Variants in ZNF341 observed in about 807,000 individuals in gnomAD.
The protein encoded by ZNF341 is zinc finger protein 341.
ZNF341 carries 52 observed loss-of-function variants against 87.7 expected under a neutral mutation model. The ratio of observed to expected loss-of-function variants is 0.59; its 90% CI spans 0.47 to 0.75. The LOEUF (loss-of-function observed/expected upper bound fraction) is 0.75. Ranked by LOEUF, ZNF341 falls within the 30% of genes least tolerant of loss-of-function variation. The pLI is 0.00. For missense variants in ZNF341, 977 were observed against 1,145.9 expected (o/e 0.85, Z 2.13); for synonymous variants, 459 against 472.7 (o/e 0.97, Z 0.38).
At chr20:33,775,353 G>A (rs1381462601) in intron 10 of ZNF341, among the ~76,000 whole-genome samples, 1 of 151,624 alleles carries the variant, frequency 6.6e-6, no homozygotes, top group Non-Finnish European at 1.5e-5. Flanking sequence ...GCGACTACAA[G>A]GCACCTGCCA....
intron 5 of ZNF341, 118 bp from the exon 6 acceptor site, chr20:33,757,030 G>A (rs938449654): frequency 3.7e-6 from 3 of 809,490 alleles, no homozygotes; most frequent in Non-Finnish European, 5.4e-6. Context: ...GAGGGGCTGT[G>A]ATGGTGATGT....
At chr20:33,741,588 A>G (rs1568933179) in intron 2 of ZNF341, among the ~76,000 whole-genome samples, 1 of 152,066 alleles carries the variant, frequency 6.6e-6, no homozygotes, top group Admixed American at 6.6e-5. Flanking sequence ...TATTTTTAAT[A>G]GAGATGGGGT....
chr20:33,772,824 T>G (rs2019558207), intron 10 of ZNF341, among the ~76,000 whole-genome samples: 1 of 152,048 alleles, frequency 6.6e-6, no homozygotes, highest in Admixed American at 6.6e-5. Flanking sequence ...TCACAAGAGC[T>G]CTGAGAAGTT....
intron 4 of ZNF341, 54 bp downstream of exon 4, chr20:33,749,126 T>A: frequency 6.4e-7 from 1 of 1,560,328 alleles, no homozygotes; most frequent in South Asian, 1.2e-5. Context: ...GTACATTAAC[T>A]CCTGCAGATT....
chr20:33,786,782 A>G (rs779172513), intron 12 of ZNF341, among the ~76,000 whole-genome samples: 3 of 132,832 alleles, frequency 2.3e-5, no homozygotes, highest in Non-Finnish European at 5.0e-5. Context: ...AGCCTGGCCA[A>G]CGTGATGAAA....
intron 2 of ZNF341, among the ~76,000 whole-genome samples, chr20:33,744,330 A>T (rs1160431091): frequency 6.6e-6 from 1 of 151,986 alleles, no homozygotes; most frequent in Non-Finnish European, 1.5e-5. Flanking sequence ...AAAAGAAAAA[A>T]AGACTTCTTG....
Position 33,746,228 on chromosome 20 carries a change from C to CTTTT in ZNF341, c.339+948_339+951dup, listed in dbSNP as rs34461652. 4.4e-4 allele frequency among the ~76,000 whole-genome samples: 46 copies of CTTTT among 104,110 alleles called. 3 individuals are homozygous for CTTTT. Among genetic ancestry groups the CTTTT allele is most frequent in the African/African-American group, 1.8e-3 (37 of 20,742 alleles). 68.3% of individuals were successfully genotyped at this position (104,110 alleles called of 152,430 possible). On this transcript the variant is annotated intron_variant, in intron 3 of 14. Coordinates refer to ENST00000375200, the MANE Select transcript of ZNF341 (RefSeq NM_001282933.2). ...ACAGGCGTGAGCCACCGCGCCCGGC[C>CTTTT]TTTTTTTTTTTTTTTTTTTTTTGAG...
chr20:33,789,057 A>C (rs1209096689), intron 13 of ZNF341, 83 bp downstream of exon 13: 2 of 1,049,148 alleles, frequency 1.9e-6, no homozygotes, highest in Non-Finnish European at 2.8e-6. Flanking sequence ...GACAGATGTC[A>C]GGCCTGAGGG....
At chr20:33,774,113 C>G (rs1393689981) in intron 10 of ZNF341, among the ~76,000 whole-genome samples, 1 of 114,580 alleles carries the variant, frequency 8.7e-6, no homozygotes, top group Non-Finnish European at 1.7e-5. Flanking sequence ...AACCCTGTCT[C>G]TACTAAAAAA....
Position 33,791,736 on chromosome 20 carries a change from A to G in ZNF341, c.*219A>G. 1.9e-6 allele frequency: 1 copy of G among 519,158 alleles called. No homozygotes were observed. Among genetic ancestry groups the G allele is most frequent in the Non-Finnish European group, 3.3e-6 (1 of 299,702 alleles). The allele number at this position is 519,158 out of a possible 1,614,324, so 32.2% of individuals were successfully genotyped here. A position where few individuals can be genotyped will look rare whatever the true frequency, so the allele number is the denominator to read the frequency against. On this transcript the variant is annotated 3_prime_UTR_variant, in exon 15 of 15. Transcript: ENST00000375200. ...ACATTCTAGGGTTGGGGGCAGGGCC[A>G]TCCACGGTTTCTGGGCAGAGCCATG... is the stretch of plus-strand genomic sequence containing the variant.
rs371648715 is a variant in ZNF341 at position 33,791,320 on chromosome 20, G to T, written c.2368G>T (p.Gly790Cys). 1.2e-6 allele frequency: 2 copies of T among 1,611,708 alleles called. No homozygotes were observed. The highest frequency in any genetic ancestry group is 8.5e-7 in the Non-Finnish European group (1 of 1,179,466). ...GAGLVPEAVP[G>C]KPPFAEPDAV... ...TGGGCTGGTGCCCGAGGCTGTCCCC[G>T]GCAAGCCGCCCTTCGCAGAGCCGGA... The change falls in exon 15 of 15, where the codon GGC becomes TGC. Residue 790 changes from glycine to cysteine, a missense_variant. Gly to Cys is a radical substitution (Grantham distance 159, BLOSUM62 -3). Transcript: ENST00000375200.
chr20:33,759,757 GGAGAGA>G (rs745746170), intron 7 of ZNF341, among the ~76,000 whole-genome samples: 2 of 151,050 alleles, frequency 1.3e-5, no homozygotes, highest in Non-Finnish European at 3.0e-5. Flanking sequence ...TATAACAAAA[GGAGAGA>G]GAGAGAGAGG....
In ZNF341 at chr20:33,783,967, C is replaced by T. The variant is rs1000712823; in HGVS notation, c.1852+103C>T. ...TCCCATCCCCATCTGGCTCTTCTCC[C>T]TGTCTCCCTCAGCCCCTTTTCCCTC... On this transcript the variant is annotated intron_variant, in intron 12 of 14. Transcript: ENST00000375200. 5.1e-6 allele frequency: 6 copies of T among 1,177,464 alleles called. No homozygotes were observed. In the African/African-American group the frequency reaches 6.3e-5, roughly 12 times the overall value. 72.9% of individuals were successfully genotyped at this position (1,177,464 alleles called of 1,614,324 possible).
At chr20:33,789,715 C>G in intron 14 of ZNF341, 127 bp downstream of exon 14, 1 of 1,022,566 alleles carries the variant, frequency 9.8e-7, no homozygotes, top group Non-Finnish European at 1.5e-6. Context: ...ACATTCCAGC[C>G]AGCACTTTCA....
Position 33,749,871 on chromosome 20 carries a change from A to G in ZNF341, c.489+799A>G, listed in dbSNP as rs1371461808. On this transcript the variant is annotated intron_variant, in intron 4 of 14. Coordinates refer to ENST00000375200, the MANE Select transcript of ZNF341 (RefSeq NM_001282933.2). ...AGGTCCAAGCAATTCTCCTGCCTCA[A>G]CCTCCTGAGTAGCTGGGATTACAGG... Among the ~76,000 whole-genome samples, 6 of 147,936 alleles carry G rather than the reference A, an allele frequency of 4.1e-5. No homozygotes were observed. The East Asian group carries it at 1.2e-3, about 30-fold the overall frequency.
intron 1 of ZNF341, 133 bp from the exon 2 acceptor site, chr20:33,740,769 T>A (rs185039236): frequency 4.8e-5 from 33 of 682,674 alleles, no homozygotes; most frequent in Admixed American, 3.3e-4. Flanking sequence ...TAGCCTCCCA[T>A]GGTGCTGGGA....
intron 7 of ZNF341, among the ~76,000 whole-genome samples, chr20:33,760,583 G>A (rs918902123): frequency 2.0e-5 from 3 of 151,596 alleles, no homozygotes; most frequent in Non-Finnish European, 4.4e-5. Flanking sequence ...TTGCTCTGTT[G>A]CCCAGGCTGG....
chr20:33,762,083 T>C, intron 8 of ZNF341, 28 bp downstream of exon 8: 1 of 1,493,898 alleles, frequency 6.7e-7, no homozygotes, highest in Non-Finnish European at 9.1e-7. Flanking sequence ...ACGCCATGCT[T>C]CCCACACCTC....
chr20:33,738,530 CAGT>C (rs745543274), intron 1 of ZNF341, among the ~76,000 whole-genome samples: 94 of 152,114 alleles, frequency 6.2e-4, no homozygotes, highest in Non-Finnish European at 9.8e-4. Flanking sequence ...TTACTAAGGG[CAGT>C]TTGGAGGTTA....
Sources: gnomAD v4.1 joint callset for allele counts (sites outside exome capture counted in the v4.1 genomes callset) on GRCh38, gnomAD v4.1.1 for gene constraint, MANE v1.5 for transcripts, NCBI Gene and HGNC (gene_info 2026-07-23, HGNC 2026-07-21) for gene names.